Variants in PLS1 observed in about 807,000 individuals in gnomAD.
PLS1 encodes plastin-1.
A neutral mutation model predicts 73.7 loss-of-function variants in PLS1; 32 were observed. That is an observed-to-expected ratio of 0.43 (90% CI 0.33 to 0.58). The LOEUF (loss-of-function observed/expected upper bound fraction) is 0.58. Ranked by LOEUF, PLS1 falls within the 20% of genes least tolerant of loss-of-function variation. The pLI is 0.04. For synonymous variants in PLS1, 217 were observed against 261.3 expected (o/e 0.83, Z 1.63); for missense variants, 633 against 740.5 (o/e 0.85, Z 1.68).
At chr3:142,693,270 A>G (rs1387116789) in intron 10 of PLS1, among the ~76,000 whole-genome samples, 6 of 152,214 alleles carry the variant, frequency 3.9e-5, no homozygotes, top group Non-Finnish European at 8.8e-5. Flanking sequence ...GTTGGCACAA[A>G]TAACAGAATC....
At chr3:142,704,133 G>T in intron 13 of PLS1, 132 bp downstream of exon 13, 1 of 674,682 alleles carries the variant, frequency 1.5e-6, no homozygotes, top group Non-Finnish European at 2.4e-6. Context: ...AATTTTTAAA[G>T]GATTTACTGT....
At chr3:142,613,949 A>G (rs2036167071) in intron 1 of PLS1, among the ~76,000 whole-genome samples, 1 of 152,168 alleles carries the variant, frequency 6.6e-6, no homozygotes. Flanking sequence ...TTGCACCATA[A>G]AATTCTATAT....
intron 1 of PLS1, among the ~76,000 whole-genome samples, chr3:142,659,245 T>C (rs959275274): frequency 3.9e-5 from 6 of 152,266 alleles, no homozygotes; most frequent in Middle Eastern, 3.4e-3. Flanking sequence ...GGGGCTAGCT[T>C]GAGAAGTCAG....
chr3:142,694,634 C>A, intron 11 of PLS1, 87 bp downstream of exon 11: 1 of 712,620 alleles, frequency 1.4e-6, no homozygotes, highest in South Asian at 2.1e-5. Flanking sequence ...GGAACATTTT[C>A]TCAAGTTGCA....
chr3:142,664,381 T>C (rs1028195262), intron 2 of PLS1, 74 bp downstream of exon 2: 3 of 753,200 alleles, frequency 4.0e-6, no homozygotes, highest in Non-Finnish European at 6.8e-6. Flanking sequence ...AAAAATACCT[T>C]TTATTTCATC....
At chr3:142,631,613 A>G (rs2036564891) in intron 1 of PLS1, among the ~76,000 whole-genome samples, 1 of 142,502 alleles carries the variant, frequency 7.0e-6, no homozygotes, top group Non-Finnish European at 1.5e-5. Flanking sequence ...GTGCGCCAAG[A>G]TCATGCCACT....
chr3:142,702,531 T>C (rs377668552), intron 12 of PLS1, among the ~76,000 whole-genome samples: 3 of 152,176 alleles, frequency 2.0e-5, no homozygotes, highest in African/African-American at 7.2e-5. Context: ...AGAAAAGTAG[T>C]GTTCTCCTTT....
intron 2 of PLS1, among the ~76,000 whole-genome samples, chr3:142,668,991 C>T (rs1039253213): frequency 6.6e-6 from 1 of 152,006 alleles, no homozygotes; most frequent in Non-Finnish European, 1.5e-5. Context: ...TATATGGTGG[C>T]CCTAAATCTA....
At chr3:142,678,449 A>T (rs1411032089) in intron 6 of PLS1, among the ~76,000 whole-genome samples, 1 of 119,116 alleles carries the variant, frequency 8.4e-6, no homozygotes, top group Non-Finnish European at 1.7e-5. Context: ...CAGTCCCCAG[A>T]GTGTGATGTT....
intron 1 of PLS1, among the ~76,000 whole-genome samples, chr3:142,599,513 T>C (rs990820890): frequency 2.0e-5 from 3 of 151,544 alleles, no homozygotes; most frequent in Admixed American, 1.3e-4. Flanking sequence ...GTATTTTTAG[T>C]AGAGACGGGG....
chr3:142,657,729 C>G (rs951459906), intron 1 of PLS1, among the ~76,000 whole-genome samples: 1 of 152,104 alleles, frequency 6.6e-6, no homozygotes, highest in Admixed American at 6.5e-5. Flanking sequence ...ACCTCATGAT[C>G]CGCCCACCTC....
At chr3:142,633,635 G>A (rs771981236) in intron 1 of PLS1, among the ~76,000 whole-genome samples, 188 of 151,888 alleles carry the variant, frequency 1.2e-3, no homozygotes, top group Non-Finnish European at 1.4e-3. Context: ...CAGCCTGGGC[G>A]AGAAGAGCGA....
chr3:142,603,047 A>G (rs957487226), intron 1 of PLS1, among the ~76,000 whole-genome samples: 1 of 152,206 alleles, frequency 6.6e-6, no homozygotes, highest in Admixed American at 6.5e-5. Flanking sequence ...CTGGCTGATG[A>G]TGAACGTCGG....
chr3:142,694,583 G>A, intron 11 of PLS1, 36 bp downstream of exon 11: 1 of 1,256,926 alleles, frequency 8.0e-7, no homozygotes, highest in Non-Finnish European at 1.2e-6. Flanking sequence ...TTACTGTCAG[G>A]GTCCAACTTT....
At chr3:142,657,531 G>A (rs1364042052) in intron 1 of PLS1, among the ~76,000 whole-genome samples, 2 of 152,130 alleles carry the variant, frequency 1.3e-5, no homozygotes, top group East Asian at 1.9e-4. Flanking sequence ...ATTGTCACCC[G>A]AGCTGGTGTA....
intron 11 of PLS1, among the ~76,000 whole-genome samples, 196 bp downstream of exon 11, chr3:142,694,743 G>A (rs2038158216): frequency 6.6e-6 from 1 of 152,144 alleles, no homozygotes; most frequent in Admixed American, 6.6e-5. Context: ...TAATAGTTAT[G>A]TTTTTGATGA....
chr3:142,606,653 A>G (rs2036023598), intron 1 of PLS1, among the ~76,000 whole-genome samples: 1 of 152,158 alleles, frequency 6.6e-6, no homozygotes, highest in African/African-American at 2.4e-5. Context: ...TTCTGTCTAT[A>G]TATTTGCCTA....
chr3:142,605,047 C>A (rs756033870), intron 1 of PLS1, among the ~76,000 whole-genome samples: 9 of 151,952 alleles, frequency 5.9e-5, no homozygotes, highest in Non-Finnish European at 1.3e-4. Context: ...AGTTTAGATA[C>A]CTGAAACCAG....
Position 142,669,554 on chromosome 3 carries a change from G to A in PLS1, c.234+1G>A. On this transcript the variant is annotated splice_donor_variant, in intron 3 of 15. Transcript: ENST00000457734. LOFTEE classifies it high-confidence loss of function. ...AATCAGTTTTGAAGAGTTTGTGTCA[G>A]TAAGTAATCTAATCCTTTCGGGCTA... The A allele has an allele frequency of 6.2e-7, 1 of 1,607,242 alleles. No homozygotes were observed. The highest frequency in any genetic ancestry group is 1.1e-5 in the South Asian group (1 of 90,392).
Sources: gnomAD v4.1 joint callset for allele counts (sites outside exome capture counted in the v4.1 genomes callset) on GRCh38, gnomAD v4.1.1 for gene constraint, MANE v1.5 for transcripts, NCBI Gene and HGNC (gene_info 2026-07-23, HGNC 2026-07-21) for gene names.